FBXO11: variants seen among roughly 807,000 people sequenced by gnomAD.
FBXO11 encodes F-box protein 11.
FBXO11 carries 13 observed loss-of-function variants against 117.0 expected under a neutral mutation model. That is an observed-to-expected ratio of 0.11 (90% CI 0.07 to 0.18). FBXO11 has a LOEUF of 0.18. FBXO11 is among the 10% of genes least tolerant of loss of function. The pLI is 1.00. For missense variants in FBXO11, 767 were observed against 1,164.4 expected (o/e 0.66, Z 4.97); for synonymous variants, 490 against 380.5 (o/e 1.29, Z -3.35).
chr2:47,860,802 A>C (rs1454131159), intron 1 of FBXO11, among the ~76,000 whole-genome samples: 1 of 95,334 alleles, frequency 1.0e-5, no homozygotes, highest in Non-Finnish European at 2.0e-5. Flanking sequence ...ACTGTGTTCC[A>C]CTGGAAAATA....
chr2:47,894,557 C>T (rs1172700356), intron 1 of FBXO11, among the ~76,000 whole-genome samples: 1 of 151,974 alleles, frequency 6.6e-6, no homozygotes, highest in Non-Finnish European at 1.5e-5. Context: ...TTTTAAAATT[C>T]TTAAATACAA....
Position 47,809,144 on chromosome 2 carries a change from T to C in FBXO11, c.2555+14A>G. On this transcript the variant is annotated intron_variant, in intron 21 of 22. Coordinates refer to ENST00000403359, the MANE Select transcript of FBXO11 (RefSeq NM_001190274.2). The stretch of plus-strand genomic sequence containing the variant: ...TCTTCCTCTTTTCAGGACTCAAATA[T>C]ATTTCTAAGTTACCTGTAGAAATCA... The C allele has an allele frequency of 1.4e-6, 2 of 1,449,954 alleles. No homozygotes were observed. The highest frequency in any genetic ancestry group is 1.9e-6 in the Non-Finnish European group (2 of 1,050,022). The allele number at this position is 1,449,954 out of a possible 1,614,324, so 89.8% of individuals were successfully genotyped here. A position where few individuals can be genotyped will look rare whatever the true frequency, so the allele number is the denominator to read the frequency against.
Position 47,818,706 on chromosome 2 carries a change from A to T in FBXO11, c.2006+73T>A. The T allele has an allele frequency of 8.3e-6, 8 of 967,096 alleles. No homozygotes were observed. The South Asian group carries it at 1.2e-4, about 14-fold the overall frequency. The allele number at this position is 967,096 out of a possible 1,614,324, so 59.9% of individuals were successfully genotyped here. On this transcript the variant is annotated intron_variant, in intron 16 of 22. Transcript: ENST00000403359. ...GATAAAGATTGGGCATTAAACAATAAGCAAATTTCTTTTACACACCCCACA... is the reference window on the plus strand; with the variant it reads ...GATAAAGATTGGGCATTAAACAATATGCAAATTTCTTTTACACACCCCACA...
chr2:47,904,334 G>C (rs967162764), intron 1 of FBXO11, among the ~76,000 whole-genome samples: 1 of 151,962 alleles, frequency 6.6e-6, no homozygotes, highest in Non-Finnish European at 1.5e-5. Flanking sequence ...CCACTACTGC[G>C]AACAGCTAAT....
Position 47,813,886 on chromosome 2 carries a change from A to G in FBXO11, c.2007-19T>C. ...TCCAGTCCTGTAAACAGAATAGACA[A>G]TAATACCATTTCAATAGCTTCTACT... On this transcript the variant is annotated intron_variant, in intron 16 of 22. Coordinates refer to ENST00000403359, the MANE Select transcript of FBXO11 (RefSeq NM_001190274.2). 6.3e-7 allele frequency: 1 copy of G among 1,577,220 alleles called. No individual in the cohort carries two copies. The highest frequency in any genetic ancestry group is 8.7e-7 in the Non-Finnish European group (1 of 1,146,858).
intron 17 of FBXO11, 139 bp downstream of exon 17, chr2:47,813,652 T>TAG (rs758841829): frequency 3.3e-5 from 22 of 661,248 alleles, no homozygotes; most frequent in Non-Finnish European, 5.1e-5. Context: ...AGGCTGGTCT[T>TAG]AAACTCCTGA....
chr2:47,832,293 C>T, intron 11 of FBXO11, 56 bp downstream of exon 11: 4 of 1,443,452 alleles, frequency 2.8e-6, no homozygotes, highest in South Asian at 1.4e-5. Context: ...CTGAAACATA[C>T]TTGGAATTTA....
At position 47,905,748 on chromosome 2, in the gene FBXO11, G is replaced by T. The variant is rs1330219285; in HGVS notation, c.-28C>A. On this transcript the variant is annotated 5_prime_UTR_variant, in exon 1 of 23. Transcript: ENST00000403359. ...GCCGGGCTGAGGTGGCGGCGTTGGC[G>T]GAGGGACACACACACGCACACGCAC... 1 of 1,514,890 alleles carries T rather than the reference G, an allele frequency of 6.6e-7. No individual in the cohort carries two copies. Among genetic ancestry groups the T allele is most frequent in the South Asian group, 1.2e-5 (1 of 83,350 alleles). 93.8% of individuals were successfully genotyped at this position (1,514,890 alleles called of 1,614,324 possible).
At chr2:47,864,102 T>C (rs1231085606) in intron 1 of FBXO11, among the ~76,000 whole-genome samples, 1 of 152,224 alleles carries the variant, frequency 6.6e-6, no homozygotes, top group African/African-American at 2.4e-5. Flanking sequence ...TGGTCATGTT[T>C]ACAAAGGCAT....
chr2:47,814,056 C>G (rs1670829511), intron 16 of FBXO11, 189 bp from the exon 17 acceptor site: 3 of 514,950 alleles, frequency 5.8e-6, no homozygotes, highest in Non-Finnish European at 3.5e-6. Flanking sequence ...ACAGAACATA[C>G]TTTACTACAG....
intron 16 of FBXO11, among the ~76,000 whole-genome samples, chr2:47,816,418 A>C (rs1234052507): frequency 1.3e-5 from 2 of 152,014 alleles, no homozygotes; most frequent in Non-Finnish European, 2.9e-5. Flanking sequence ...TGGCCTCAGG[A>C]GATCCTTCCA....
intron 4 of FBXO11, among the ~76,000 whole-genome samples, chr2:47,837,305 T>C (rs1672658632): frequency 6.6e-6 from 1 of 152,176 alleles, no homozygotes; most frequent in Non-Finnish European, 1.5e-5. Context: ...GGCAGGAGGA[T>C]CACCTGAGGT....
intron 1 of FBXO11, among the ~76,000 whole-genome samples, chr2:47,857,983 A>C (rs1177692258): frequency 3.3e-5 from 5 of 152,240 alleles, no homozygotes; most frequent in South Asian, 2.1e-4. Flanking sequence ...AATCTTTACC[A>C]AAGTAGATGA....
In FBXO11 at chr2:47,823,244, T is replaced by C; in HGVS notation, c.1515A>G (p.Ile505Met). 1 of 1,614,024 alleles carries C rather than the reference T, an allele frequency of 6.2e-7. No individual in the cohort carries two copies. Among genetic ancestry groups the C allele is most frequent in the Non-Finnish European group, 8.5e-7 (1 of 1,179,918 alleles). ...GTCCTCTTCCTTTTTCATGGACATA[T>C]ATTCCTCCAGTCTGCCCATGGTGAA... ...CEIHHGQTGG[I>M]YVHEKGRGQF... Residue 505 changes from isoleucine (I) to methionine (M), a missense_variant, in exon 12 of 23, where the codon ATA (isoleucine) becomes ATG (methionine). Physicochemically the swap from Ile to Met is conservative, Grantham distance 10. This residue lies in a region of FBXO11 where 67 missense variants were observed against 148.8 expected (regional missense o/e 0.45). Coordinates refer to ENST00000403359, the MANE Select transcript of FBXO11 (RefSeq NM_001190274.2).
Position 47,807,275 on chromosome 2 carries a change from TA to T in FBXO11, c.*842del. On this transcript the variant is annotated 3_prime_UTR_variant, in exon 23 of 23. Coordinates refer to ENST00000403359, the MANE Select transcript of FBXO11 (RefSeq NM_001190274.2). ...GACTGTTTGTTTTGAAGAGACTTTC[TA>T]AAGTGTACTTAAAACATAGTAGTTT... The T allele has an allele frequency of 4.5e-6, 1 of 223,434 alleles. No homozygotes were observed. The allele number at this position is 223,434 out of a possible 1,614,324, so 13.8% of individuals were successfully genotyped here. A position where few individuals can be genotyped will look rare whatever the true frequency, so the allele number is the denominator to read the frequency against.
At chr2:47,856,619 G>A (rs954168149) in intron 1 of FBXO11, among the ~76,000 whole-genome samples, 9 of 152,180 alleles carry the variant, frequency 5.9e-5, no homozygotes, top group Admixed American at 2.6e-4. Context: ...AGTGGCCTAC[G>A]GACAGTTGTA....
At chr2:47,872,269 G>A (rs1209839138) in intron 1 of FBXO11, among the ~76,000 whole-genome samples, 1 of 152,154 alleles carries the variant, frequency 6.6e-6, no homozygotes, top group Non-Finnish European at 1.5e-5. Context: ...GGGAATTCCT[G>A]GCAGTCATCA....
chr2:47,860,746 C>A (rs1288511094), intron 1 of FBXO11, among the ~76,000 whole-genome samples: 3 of 151,336 alleles, frequency 2.0e-5, no homozygotes, highest in African/African-American at 7.3e-5. Context: ...AAACTTTTCC[C>A]TGCAGGAGAG....
intron 1 of FBXO11, among the ~76,000 whole-genome samples, chr2:47,895,977 G>C (rs1050293940): frequency 6.6e-6 from 1 of 152,300 alleles, no homozygotes; most frequent in South Asian, 2.1e-4. Flanking sequence ...TTGCAGGCAT[G>C]AGCCACCATG....
Sources: allele counts gnomAD v4.1 joint callset (sites outside exome capture counted in the v4.1 genomes callset), GRCh38; gene constraint gnomAD v4.1.1; regional missense constraint gnomAD v4.1.1; transcripts MANE v1.5; gene names NCBI Gene and HGNC (gene_info 2026-07-23, HGNC 2026-07-21).